Variants in COL4A4 observed in about 807,000 individuals in gnomAD.
COL4A4 encodes collagen type IV alpha 4 chain, also known as collagen alpha-4(IV) chain.
A neutral mutation model predicts 192.9 loss-of-function variants in COL4A4; 105 were observed. The observed-to-expected ratio is 0.54, with a 90% CI of 0.46 to 0.64. The LOEUF (loss-of-function observed/expected upper bound fraction) is 0.64, where lower values mean the gene tolerates loss of function less well. Ranked by LOEUF, COL4A4 falls within the 30% of genes least tolerant of loss-of-function variation. The pLI, the probability that COL4A4 is intolerant of heterozygous loss-of-function variation, is 0.00. For synonymous variants in COL4A4, 762 were observed against 769.9 expected (o/e 0.99, Z 0.17); for missense variants, 1,967 against 2,169.3 (o/e 0.91, Z 1.85).
intron 22 of COL4A4, among the ~76,000 whole-genome samples, chr2:227,087,801 T>C (rs1292853244): frequency 6.6e-6 from 1 of 152,160 alleles, no homozygotes; most frequent in Non-Finnish European, 1.5e-5. Flanking sequence ...TAGTCTAGAG[T>C]AAAGGCTCAG....
At chr2:227,104,102 G>A in intron 12 of COL4A4, 50 bp from the exon 13 acceptor site, 1 of 1,525,232 alleles carries the variant, frequency 6.6e-7, no homozygotes. Flanking sequence ...TTTATGTTTT[G>A]AAGGTTTTCA....
rs140827448 is a variant in COL4A4 at position 227,051,398 on chromosome 2, G to A, written c.2969-240C>T. Among the ~76,000 whole-genome samples the A allele has an allele frequency of 4.7e-3, 723 of 152,254 alleles. 7 individuals are homozygous for A. Among genetic ancestry groups the A allele is most frequent in the Middle Eastern group, 0.017 (5 of 294 alleles). On this transcript the variant is annotated intron_variant, in intron 32 of 47. Transcript: ENST00000396625. ...GGAGCACACAGGATTATTTGCCTCC[G>A]CTGCTTATTTTACAAATGAAGAAGC...
chr2:227,062,475 T>C, intron 26 of COL4A4, 55 bp downstream of exon 26: 6 of 431,086 alleles, frequency 1.4e-5, no homozygotes, highest in Non-Finnish European at 1.9e-5. Flanking sequence ...TCTGGCTGGT[T>C]TTTTTTTTTT....
intron 46 of COL4A4, among the ~76,000 whole-genome samples, chr2:227,009,937 T>C (rs866412095): frequency 9.2e-5 from 14 of 152,204 alleles, no homozygotes; most frequent in Non-Finnish European, 1.5e-5. Flanking sequence ...CCATTTTACA[T>C]GTAAGTACAG....
At chr2:227,008,407 T>C in intron 46 of COL4A4, 103 bp from the exon 47 acceptor site, 1 of 1,320,010 alleles carries the variant, frequency 7.6e-7, no homozygotes, top group Non-Finnish European at 1.1e-6. Flanking sequence ...TGTTCTGAAA[T>C]CTGGAGGCCC....
chr2:226,995,263 T>A, the COL4A4 span, among the ~76,000 whole-genome samples: 1 of 152,208 alleles, frequency 6.6e-6, no homozygotes, highest in Non-Finnish European at 1.5e-5. Context: ...TTACTTGACG[T>A]TGAAATTTAG....
intron 26 of COL4A4, among the ~76,000 whole-genome samples, chr2:227,061,832 T>G (rs1977136938): frequency 6.6e-6 from 1 of 152,234 alleles, no homozygotes; most frequent in African/African-American, 2.4e-5. Flanking sequence ...TTTGGGCATT[T>G]TTTTCAAATG....
At chr2:227,046,043 C>CATATACTATCTAAATATATATACGT (rs1972746290) in intron 35 of COL4A4, among the ~76,000 whole-genome samples, 1 of 90,736 alleles carries the variant, frequency 1.1e-5, no homozygotes, top group South Asian at 4.6e-4. Context: ...TACATATATA[C>CATATACTATCTAAATATATATACGT]ATATATACTA....
intron 4 of COL4A4, 150 bp from the exon 5 acceptor site, chr2:227,121,298 A>C: frequency 5.3e-6 from 5 of 938,366 alleles, no homozygotes; most frequent in Non-Finnish European, 6.4e-6. Flanking sequence ...ATGGTGGCTC[A>C]CACCTGTAAT....
intron 43 of COL4A4, among the ~76,000 whole-genome samples, chr2:227,024,441 G>A (rs765303019): frequency 6.6e-6 from 1 of 152,068 alleles, no homozygotes; most frequent in African/African-American, 2.4e-5. Context: ...GAACCTGGGA[G>A]TGCAGTGGTG....
At chr2:226,983,963 G>A in the COL4A4 span, among the ~76,000 whole-genome samples, 3 of 152,222 alleles carry the variant, frequency 2.0e-5, no homozygotes, top group Admixed American at 2.0e-4. Flanking sequence ...CTTGTTATTT[G>A]TGAATGGAGG....
chr2:227,033,525 C>T (rs1164818803), intron 37 of COL4A4, 44 bp from the exon 38 acceptor site: 1 of 1,548,396 alleles, frequency 6.5e-7, no homozygotes, highest in South Asian at 1.1e-5. Context: ...AGACCAGCCA[C>T]CGGTACTCAC....
rs1260916310 is a variant in COL4A4 at position 227,042,219 on chromosome 2, C to T, written c.3434G>A (p.Gly1145Glu). 3 of 1,613,694 alleles carry T rather than the reference C, an allele frequency of 1.9e-6. No individual in the cohort carries two copies. The highest frequency in any genetic ancestry group is 1.7e-5 in the Admixed American group (1 of 60,004). Residue 1145 changes from glycine (G) to glutamate (E), a missense_variant, in exon 37 of 48, where the codon GGA becomes GAA. Coordinates refer to ENST00000396625, the MANE Select transcript of COL4A4 (RefSeq NM_000092.5). ...HGMPGLRGQP[G>E]EMGDPGPRGL... ...TCTTGGCCCAGGGTCTCCCATTTCT[C>T]CTGGCTGTCCCCTCAGCCCAGGCAT...
the COL4A4 span, among the ~76,000 whole-genome samples, chr2:226,975,995 A>AGGTCTCCTGCCCCCCAACT: frequency 6.6e-6 from 1 of 151,866 alleles, no homozygotes; most frequent in African/African-American, 2.4e-5. Flanking sequence ...AGTTGAAAAT[A>AGGTCTCCTGCCCCCCAACT]GGTCTCCTGC....
At chr2:227,023,847 A>G (rs1966494537) in intron 43 of COL4A4, among the ~76,000 whole-genome samples, 4 of 152,050 alleles carry the variant, frequency 2.6e-5, no homozygotes, top group Admixed American at 2.0e-4. Flanking sequence ...CCCTGTCTCT[A>G]CTAAAAATAC....
At chr2:227,162,719 C>T (rs1004359402) in intron 1 of COL4A4, among the ~76,000 whole-genome samples, 2 of 152,192 alleles carry the variant, frequency 1.3e-5, no homozygotes, top group African/African-American at 2.4e-5. Context: ...AGCTCTCATA[C>T]TTGATTGTGC....
chr2:227,116,309 A>C (rs567026038), intron 7 of COL4A4, among the ~76,000 whole-genome samples: 1 of 152,340 alleles, frequency 6.6e-6, no homozygotes, highest in East Asian at 1.9e-4. Context: ...CAGATAAAAC[A>C]CATAGGTTTC....
intron 37 of COL4A4, among the ~76,000 whole-genome samples, chr2:227,034,246 T>G (rs1997484): frequency 5.3e-5 from 8 of 151,994 alleles, no homozygotes; most frequent in African/African-American, 1.7e-4. Flanking sequence ...CAGTGGAAAA[T>G]TTTTTTTAAG....
intron 19 of COL4A4, among the ~76,000 whole-genome samples, 192 bp from the exon 20 acceptor site, chr2:227,094,481 T>A (rs1353755875): frequency 6.6e-6 from 1 of 152,180 alleles, no homozygotes; most frequent in Non-Finnish European, 1.5e-5. Context: ...CACTTATATG[T>A]GGAATCTGAA....
Sources: allele counts gnomAD v4.1 joint callset (sites outside exome capture counted in the v4.1 genomes callset), GRCh38; gene constraint gnomAD v4.1.1; transcripts MANE v1.5; gene names NCBI Gene and HGNC (gene_info 2026-07-23, HGNC 2026-07-21).